MGAT4D: variants seen among roughly 807,000 people sequenced by gnomAD.
MGAT4D encodes alpha-1,3-mannosyl-glycoprotein 4-beta-N-acetylglucosaminyltransferase-like protein MGAT4D.
A neutral mutation model predicts 15.9 loss-of-function variants in MGAT4D; 34 were observed. The observed-to-expected ratio is 2.14, with a 90% CI of 1.62 to 2.84. The LOEUF is 2.84. Among genes scored for constraint, MGAT4D ranks in the 30% most tolerant of loss-of-function variants. The pLI is 0.00. For synonymous variants in MGAT4D, 112 were observed against 48.2 expected, an observed-to-expected ratio of 2.33 and a Z score of -5.49; for missense variants, 327 against 140.2, an observed-to-expected ratio of 2.33 and a Z score of -6.73.
In MGAT4D at chr4:140,456,717, T is replaced by G; in HGVS notation, c.880A>C (p.Lys294Gln). The G allele has an allele frequency of 1.5e-6, 1 of 657,708 alleles. No homozygotes were observed. Among genetic ancestry groups the G allele is most frequent in the South Asian group, 1.7e-5 (1 of 58,228 alleles). 40.7% of individuals were successfully genotyped at this position (657,708 alleles called of 1,614,324 possible). The part of the protein sequence containing the change: ...IEFSMLGFIG[K>Q]LFRSEDLTHF... ...GTTAAGTCCTCAGATCTAAACAGCT[T>G]TCCTATGGAAAAAAATACAATTAGA... The change falls in exon 9 of 11, where the codon AAG becomes CAG. Residue 294 changes from lysine (K) to glutamine (Q), a missense_variant and splice_region_variant. Transcript: ENST00000511113.
intron 1 of MGAT4D, among the ~76,000 whole-genome samples, chr4:140,486,702 C>T (rs146093156): frequency 6.6e-6 from 1 of 152,256 alleles, no homozygotes; most frequent in East Asian, 1.9e-4. Context: ...AGTTCTTATA[C>T]AAATATATGC....
chr4:140,451,510 C>G lies in MGAT4D; in HGVS notation c.1016G>C (p.Cys339Ser). 1 of 559,318 alleles carries G rather than the reference C, an allele frequency of 1.8e-6. No individual in the cohort carries two copies. The highest frequency in any genetic ancestry group is 2.6e-5 in the South Asian group (1 of 38,568). The allele number at this position is 559,318 out of a possible 1,614,324, so 34.6% of individuals were successfully genotyped here. ...ACGTATTTGCTTCTTTCGTTTCATACAGTTTCTCTGGGGAAAAAGAAACAA... is the reference window on the plus strand; with the variant it reads ...ACGTATTTGCTTCTTTCGTTTCATAGAGTTTCTCTGGGGAAAAAGAAACAA... ...VCDAGEDLRN[C>S]MKRKKQIRIQ... The change falls in exon 10 of 11, where the codon TGT becomes TCT. Residue 339 changes from cysteine (C) to serine (S), a missense_variant. Physicochemically the swap from Cys to Ser is moderately radical, Grantham distance 112. Coordinates refer to ENST00000511113, the MANE Select transcript of MGAT4D (RefSeq NM_001277353.2).
At chr4:140,471,576 T>C (rs1039796631) in intron 5 of MGAT4D, among the ~76,000 whole-genome samples, 199 bp downstream of exon 5, 1 of 152,122 alleles carries the variant, frequency 6.6e-6, no homozygotes, top group Non-Finnish European at 1.5e-5. Flanking sequence ...AAATTCTAAT[T>C]GGTAGATATC....
At chr4:140,456,901 A>C in intron 8 of MGAT4D, 182 bp from the exon 9 acceptor site, 1 of 355,226 alleles carries the variant, frequency 2.8e-6, no homozygotes, top group Non-Finnish European at 5.1e-6. Flanking sequence ...AGTATTAAGG[A>C]TTACCACATC....
At chr4:140,455,587 G>T (rs935159568) in intron 9 of MGAT4D, among the ~76,000 whole-genome samples, 1 of 152,134 alleles carries the variant, frequency 6.6e-6, no homozygotes, top group African/African-American at 2.4e-5. Flanking sequence ...TTGGCAGATG[G>T]TGTTGTTCAG....
chr4:140,451,380 T>A (rs765917681), intron 10 of MGAT4D, 30 bp downstream of exon 10: 2 of 565,476 alleles, frequency 3.5e-6, no homozygotes, highest in South Asian at 4.8e-5. Flanking sequence ...AAACATTGTA[T>A]GTTACTAAAG....
chr4:140,472,152 A>C (rs1265564510), intron 4 of MGAT4D, among the ~76,000 whole-genome samples: 1 of 152,144 alleles, frequency 6.6e-6, no homozygotes, highest in Non-Finnish European at 1.5e-5. Context: ...AAAAATGGTC[A>C]TCTGTGAATG....
intron 2 of MGAT4D, among the ~76,000 whole-genome samples, 153 bp downstream of exon 2, chr4:140,482,174 T>A (rs1023227132): frequency 1.1e-4 from 16 of 152,120 alleles, no homozygotes; most frequent in African/African-American, 3.9e-4. Flanking sequence ...AAGAAGTAGG[T>A]CAGTGATATC....
At chr4:140,449,254 G>A (rs1730318035) in intron 10 of MGAT4D, among the ~76,000 whole-genome samples, 1 of 152,078 alleles carries the variant, frequency 6.6e-6, no homozygotes, top group Non-Finnish European at 1.5e-5. Context: ...GTTTATCATA[G>A]ACATAGAATA....
intron 1 of MGAT4D, among the ~76,000 whole-genome samples, chr4:140,490,919 C>T (rs1733462110): frequency 6.6e-6 from 1 of 152,140 alleles, no homozygotes; most frequent in Non-Finnish European, 1.5e-5. Flanking sequence ...ACACTTAATG[C>T]AATTAGTGAT....
intron 1 of MGAT4D, among the ~76,000 whole-genome samples, chr4:140,483,266 C>T (rs1324357789): frequency 6.6e-6 from 1 of 152,020 alleles, no homozygotes; most frequent in African/African-American, 2.4e-5. Context: ...TCAGTCAAAC[C>T]ACACCATTTA....
intron 1 of MGAT4D, among the ~76,000 whole-genome samples, chr4:140,486,225 C>T (rs1441760759): frequency 6.6e-6 from 1 of 151,954 alleles, no homozygotes; most frequent in East Asian, 1.9e-4. Flanking sequence ...CATATCCTTT[C>T]ATTGTTTTAT....
intron 4 of MGAT4D, among the ~76,000 whole-genome samples, chr4:140,474,212 T>G (rs1414423387): frequency 6.6e-6 from 1 of 152,176 alleles, no homozygotes; most frequent in African/African-American, 2.4e-5. Context: ...ATTAGAGAGA[T>G]CTAGGCTTGA....
intron 1 of MGAT4D, among the ~76,000 whole-genome samples, chr4:140,489,192 A>C (rs1297012531): frequency 6.6e-6 from 1 of 152,144 alleles, no homozygotes; most frequent in Non-Finnish European, 1.5e-5. Flanking sequence ...CTTGTACCCA[A>C]TGTGGTTCCA....
chr4:140,478,724 C>A (rs907001366), intron 3 of MGAT4D, among the ~76,000 whole-genome samples: 1 of 150,508 alleles, frequency 6.6e-6, no homozygotes, highest in African/African-American at 2.4e-5. Flanking sequence ...AACAACACTA[C>A]TTATTCCCAA....
intron 4 of MGAT4D, among the ~76,000 whole-genome samples, chr4:140,473,176 T>C (rs1307469779): frequency 1.3e-5 from 2 of 152,108 alleles, no homozygotes; most frequent in Non-Finnish European, 2.9e-5. Context: ...CCTTCATTCC[T>C]ATTTAACATA....
intron 10 of MGAT4D, among the ~76,000 whole-genome samples, chr4:140,449,375 T>C (rs1357271849): frequency 2.0e-5 from 3 of 152,220 alleles, no homozygotes; most frequent in East Asian, 1.9e-4. Flanking sequence ...TATTAAGTTA[T>C]TATTTTTTGA....
intron 4 of MGAT4D, among the ~76,000 whole-genome samples, chr4:140,472,302 T>C (rs1732016932): frequency 6.6e-6 from 1 of 152,170 alleles, no homozygotes; most frequent in Non-Finnish European, 1.5e-5. Flanking sequence ...TTCCTGACAA[T>C]AAACTTTGTG....
At chr4:140,445,158 T>C (rs1340308336) in intron 10 of MGAT4D, among the ~76,000 whole-genome samples, 1 of 152,170 alleles carries the variant, frequency 6.6e-6, no homozygotes, top group Non-Finnish European at 1.5e-5. Flanking sequence ...GTGCTGGGAT[T>C]ACAGGCATGA....
Sources: allele counts gnomAD v4.1 joint callset (sites outside exome capture counted in the v4.1 genomes callset), GRCh38; gene constraint gnomAD v4.1.1; transcripts MANE v1.5; gene names NCBI Gene and HGNC (gene_info 2026-07-23, HGNC 2026-07-21).